TRIM71: variants seen among roughly 807,000 people sequenced by gnomAD.
TRIM71 encodes the protein tripartite motif containing 71, also known as E3 ubiquitin-protein ligase TRIM71.
In TRIM71, 9 loss-of-function variants were observed where a neutral mutation model predicts 61.2. That is an observed-to-expected ratio of 0.15 (90% CI 0.09 to 0.26). The LOEUF is 0.26. Among genes scored for constraint, TRIM71 ranks in the 10% least tolerant of loss-of-function variants. The pLI is 1.00. For synonymous variants in TRIM71, 645 were observed against 553.2 expected (o/e 1.17, Z -2.33); for missense variants, 998 against 1,238.7 (o/e 0.81, Z 2.92).
intron 2 of TRIM71, among the ~76,000 whole-genome samples, chr3:32,876,579 A>G (rs1273091358): frequency 2.0e-5 from 3 of 152,220 alleles, no homozygotes; most frequent in East Asian, 1.9e-4. Flanking sequence ...ATGAGACTCC[A>G]TCTCAAACAA....
chr3:32,826,747 G>GGT (rs1244135593), intron 1 of TRIM71, among the ~76,000 whole-genome samples: 9 of 150,218 alleles, frequency 6.0e-5, no homozygotes. Context: ...CACCCGGTCA[G>GGT]GTGAGTTTTG....
At chr3:32,834,756 C>T (rs893381518) in intron 1 of TRIM71, among the ~76,000 whole-genome samples, 11 of 152,068 alleles carry the variant, frequency 7.2e-5, no homozygotes, top group African/African-American at 1.4e-4. Context: ...GCAGGAGAAT[C>T]GCCTGAACCT....
chr3:32,827,355 C>G (rs1696215146), intron 1 of TRIM71, among the ~76,000 whole-genome samples: 1 of 143,228 alleles, frequency 7.0e-6, no homozygotes, highest in Non-Finnish European at 1.5e-5. Flanking sequence ...CTTCTGCCTC[C>G]TGGGTTCAAG....
intron 2 of TRIM71, among the ~76,000 whole-genome samples, chr3:32,884,191 T>C (rs1333994290): frequency 6.6e-6 from 1 of 152,092 alleles, no homozygotes; most frequent in East Asian, 1.9e-4. Context: ...GCCCAAGTGA[T>C]TTGCCTGCCT....
intron 1 of TRIM71, among the ~76,000 whole-genome samples, chr3:32,843,452 A>G (rs1165576874): frequency 6.6e-6 from 1 of 152,140 alleles, no homozygotes; most frequent in Admixed American, 6.6e-5. Flanking sequence ...AGTAAGGGAT[A>G]CTGGGATCTG....
intron 2 of TRIM71, among the ~76,000 whole-genome samples, chr3:32,884,830 C>G (rs1696943766): frequency 1.3e-5 from 2 of 152,146 alleles, no homozygotes; most frequent in Non-Finnish European, 2.9e-5. Context: ...CAGCTGAGAA[C>G]TATTAATAAC....
At position 32,891,880 on chromosome 3, in the gene TRIM71, TTC is replaced by T. The variant is rs893846289; in HGVS notation, c.*77_*78del. On this transcript the variant is annotated 3_prime_UTR_variant, in exon 4 of 4. Coordinates refer to ENST00000383763, the MANE Select transcript of TRIM71 (RefSeq NM_001039111.3). This position sits in a 1 kb window ranked among gnomAD's most constrained non-coding sequence, Gnocchi z 8.2. ...TCTCTCTCTCTCTCTCTCTTTCTCTTTCTCTCTCTTTTTGAATTTCAAAGAAG... is the reference window on the plus strand; with the variant it reads ...TCTCTCTCTCTCTCTCTCTTTCTCTTTCTCTCTTTTTGAATTTCAAAGAAG... 56 of 1,100,268 alleles carry T rather than the reference TTC, an allele frequency of 5.1e-5. No individual in the cohort carries two copies. The African/African-American group carries it at 6.9e-4, about 14-fold the overall frequency. The allele number at this position is 1,100,268 out of a possible 1,614,324, so 68.2% of individuals were successfully genotyped here. A position where few individuals can be genotyped will look rare whatever the true frequency, so the allele number is the denominator to read the frequency against.
intron 1 of TRIM71, among the ~76,000 whole-genome samples, chr3:32,848,476 A>G (rs79819212): frequency 0.017 from 2,602 of 152,306 alleles, 66 homozygotes; most frequent in East Asian, 0.13. Flanking sequence ...TCATCAGGGC[A>G]TGAAGCCGTT....
intron 2 of TRIM71, among the ~76,000 whole-genome samples, chr3:32,877,175 C>T (rs983521174): frequency 8.5e-5 from 13 of 152,162 alleles, no homozygotes; most frequent in Non-Finnish European, 1.8e-4. Flanking sequence ...GCAATCTTGG[C>T]TTACTGCAAC....
chr3:32,826,075 T>G (rs893101382), intron 1 of TRIM71, among the ~76,000 whole-genome samples: 1 of 152,200 alleles, frequency 6.6e-6, no homozygotes, highest in Non-Finnish European at 1.5e-5. Context: ...ATGCCATCTC[T>G]TGCCTTCCTC....
intron 1 of TRIM71, among the ~76,000 whole-genome samples, chr3:32,849,847 C>T (rs1433116358): frequency 6.6e-6 from 1 of 152,174 alleles, no homozygotes; most frequent in Non-Finnish European, 1.5e-5. Context: ...AAGAACTGCA[C>T]GCTCAAAATT....
intron 1 of TRIM71, among the ~76,000 whole-genome samples, chr3:32,846,934 A>G (rs969829212): frequency 2.6e-5 from 4 of 152,176 alleles, no homozygotes; most frequent in African/African-American, 4.8e-5. Context: ...CTTGTAAACA[A>G]TGCTGCAGTG....
At chr3:32,874,545 C>T (rs1189180770) in intron 2 of TRIM71, among the ~76,000 whole-genome samples, 2 of 151,448 alleles carry the variant, frequency 1.3e-5, no homozygotes, top group African/African-American at 2.4e-5. Flanking sequence ...TTTTTTGAGA[C>T]GGAGTCTCAC....
chr3:32,881,117 C>T (rs543742113), intron 2 of TRIM71, among the ~76,000 whole-genome samples: 4 of 152,060 alleles, frequency 2.6e-5, no homozygotes, highest in Non-Finnish European at 4.4e-5. Flanking sequence ...CTCCCGGGTT[C>T]AAGTGATTTT....
rs1696728211 is a variant in TRIM71, at chr3:32,865,805, CCCGCCCCACCTTT to C, written c.853-8012_853-8000del. Reference sequence around the variant, plus strand: ...TGCCGCCCGCCGGCCCCCCCCCCCCCCCGCCCCACCTTTTTTTTTTTTTTTTTTTTTTTTTTTT... The same window carrying C: ...TGCCGCCCGCCGGCCCCCCCCCCCCCTTTTTTTTTTTTTTTTTTTTTTTTT... On this transcript the variant is annotated intron_variant, in intron 1 of 3. Coordinates refer to ENST00000383763, the MANE Select transcript of TRIM71 (RefSeq NM_001039111.3). Among the ~76,000 whole-genome samples, 305 of 53,370 alleles carry C rather than the reference CCCGCCCCACCTTT, an allele frequency of 5.7e-3. 1 individual carries two copies. The highest frequency in any genetic ancestry group is 8.0e-3 in the Admixed American group (35 of 4,366). The allele number at this position is 53,370 out of a possible 152,430, so 35.0% of individuals were successfully genotyped here. A position where few individuals can be genotyped will look rare whatever the true frequency, so the allele number is the denominator to read the frequency against.
intron 1 of TRIM71, among the ~76,000 whole-genome samples, chr3:32,843,385 G>C (rs973119592): frequency 5.3e-5 from 8 of 152,144 alleles, no homozygotes; most frequent in African/African-American, 1.9e-4. Flanking sequence ...TAACTCCCCA[G>C]TAAGCTTATT....
In TRIM71 at chr3:32,891,942, T is replaced by C. The variant is rs1697031724; in HGVS notation, c.*131T>C. ...CAGGGAAATTTCTTTTTTCTTTTTT[T>C]TTTTTAAAGAGAACAAGAAAAGTAC... On this transcript the variant is annotated 3_prime_UTR_variant, in exon 4 of 4. Transcript: ENST00000383763. The surrounding 1 kb of genome is among the most constrained non-coding windows in gnomAD (Gnocchi z 8.2). 2 of 1,351,130 alleles carry C rather than the reference T, an allele frequency of 1.5e-6. No individual in the cohort carries two copies. Among genetic ancestry groups the C allele is most frequent in the African/African-American group, 1.5e-5 (1 of 67,358 alleles). 83.7% of individuals were successfully genotyped at this position (1,351,130 alleles called of 1,614,324 possible).
chr3:32,888,724 C>T (rs931104792), intron 3 of TRIM71, among the ~76,000 whole-genome samples: 3 of 152,012 alleles, frequency 2.0e-5, no homozygotes, highest in African/African-American at 7.2e-5. Context: ...ATTTTTAGTA[C>T]AGAGAAGGTC....
chr3:32,855,292 G>A (rs2125683173), intron 1 of TRIM71, among the ~76,000 whole-genome samples: 1 of 152,108 alleles, frequency 6.6e-6, no homozygotes, highest in Admixed American at 6.5e-5. Context: ...GGGTAAGGGG[G>A]TGGAAGTGAG....
Sources: gnomAD v4.1 joint callset for allele counts (sites outside exome capture counted in the v4.1 genomes callset) on GRCh38, gnomAD v4.1.1 for gene constraint, Gnocchi (gnomAD v3.1) non-coding constraint, MANE v1.5 for transcripts, NCBI Gene and HGNC (gene_info 2026-07-23, HGNC 2026-07-21) for gene names.